Variants in RAD51B observed in about 807,000 individuals in gnomAD.
RAD51B encodes the protein RAD51 paralog B.
RAD51B carries 38 observed loss-of-function variants against 42.2 expected under a neutral mutation model. The observed-to-expected ratio is 0.90, with a 90% confidence interval of 0.70 to 1.18. The LOEUF (loss-of-function observed/expected upper bound fraction) is 1.18, where lower values mean the gene tolerates loss of function less well. RAD51B is among the 50% of genes most tolerant of loss of function. The probability of loss-of-function intolerance (pLI) is 0.00; values close to 1 mark genes in which losing one functional copy is unlikely to be tolerated. For synonymous variants in RAD51B, 154 were observed against 145.2 expected, an observed-to-expected ratio of 1.06 and a Z score of -0.43; for missense variants, 373 against 400.7, an observed-to-expected ratio of 0.93 and a Z score of 0.59.
chr14:68,176,105 A>G (rs1476160827), intron 7 of RAD51B, among the ~76,000 whole-genome samples: 2 of 152,190 alleles, frequency 1.3e-5, no homozygotes, highest in Non-Finnish European at 2.9e-5. Flanking sequence ...TGTGTTCGTT[A>G]GTTGGAGTCT....
chr14:68,037,827 A>T (rs945097193), intron 7 of RAD51B, among the ~76,000 whole-genome samples: 1 of 152,242 alleles, frequency 6.6e-6, no homozygotes, highest in Non-Finnish European at 1.5e-5. Flanking sequence ...GTAGAGATAA[A>T]CAATGTACTT....
intron 10 of RAD51B, among the ~76,000 whole-genome samples, chr14:68,585,632 A>G (rs185613582): frequency 2.0e-4 from 31 of 152,260 alleles, no homozygotes; most frequent in Non-Finnish European, 4.4e-5. Flanking sequence ...TAAATTCCCC[A>G]AGTCAAAATC....
intron 10 of RAD51B, among the ~76,000 whole-genome samples, chr14:68,503,638 G>A (rs879313719): frequency 1.3e-5 from 2 of 152,172 alleles, no homozygotes; most frequent in Non-Finnish European, 2.9e-5. Context: ...CAACCCTCAG[G>A]CAGCCTGGCT....
intron 7 of RAD51B, among the ~76,000 whole-genome samples, chr14:67,910,405 CAAAAAAAAAAAAAA>C (rs576632132): frequency 6.6e-4 from 6 of 9,040 alleles, no homozygotes; most frequent in Admixed American, 2.2e-3. Flanking sequence ...GACTCTGTCT[CAAAAAAAAAAAAAA>C]AAAAAAAAAA....
intron 4 of RAD51B, 55 bp from the exon 5 acceptor site, chr14:67,864,948 T>G: frequency 7.2e-7 from 1 of 1,396,046 alleles, no homozygotes; most frequent in Non-Finnish European, 9.3e-7. Flanking sequence ...GCTTGTGATG[T>G]TTATCTAAAA....
chr14:68,651,508 C>T (rs1595047322), intron 11 of RAD51B, among the ~76,000 whole-genome samples: 2 of 152,278 alleles, frequency 1.3e-5, no homozygotes, highest in African/African-American at 4.8e-5. Context: ...AGCTGGAAAG[C>T]TCCACTATCC....
At chr14:67,875,149 C>T (rs2042685015) in intron 5 of RAD51B, among the ~76,000 whole-genome samples, 1 of 152,064 alleles carries the variant, frequency 6.6e-6, no homozygotes, top group Admixed American at 6.6e-5. Context: ...AGTGGATATT[C>T]CTGAGTTGTA....
intron 7 of RAD51B, among the ~76,000 whole-genome samples, chr14:67,895,034 T>C (rs1595074016): frequency 6.6e-6 from 1 of 152,128 alleles, no homozygotes; most frequent in South Asian, 2.1e-4. Flanking sequence ...TGTGGCCTCC[T>C]AAAGTTCTAG....
intron 7 of RAD51B, among the ~76,000 whole-genome samples, chr14:68,215,175 A>G (rs2079788069): frequency 1.3e-5 from 2 of 152,214 alleles, no homozygotes; most frequent in African/African-American, 4.8e-5. Flanking sequence ...TATTTTACAA[A>G]GTTTCTCAAT....
At chr14:68,166,094 A>G (rs746409288) in intron 7 of RAD51B, among the ~76,000 whole-genome samples, 1 of 152,024 alleles carries the variant, frequency 6.6e-6, no homozygotes, top group Non-Finnish European at 1.5e-5. Context: ...GTGTAAACCA[A>G]AAGTTGAGAT....
rs539035029 is a variant in RAD51B at position 68,610,296 on chromosome 14, C to T, written c.1037-710C>T. ...CCGGATGCCTGAAGGAGCTTCTGCT[C>T]TATTTTTCAGATCCCTCCCACTCCG... On this transcript the variant is annotated intron_variant, in intron 10 of 10. Transcript: ENST00000487861. Among the ~76,000 whole-genome samples the T allele has an allele frequency of 6.3e-4, 96 of 152,320 alleles. 1 individual carries two copies. Among genetic ancestry groups the T allele is most frequent in the Admixed American group, 5.2e-4 (8 of 15,310 alleles).
intron 7 of RAD51B, among the ~76,000 whole-genome samples, chr14:67,980,888 A>G (rs2075079434): frequency 6.6e-6 from 1 of 152,232 alleles, no homozygotes; most frequent in Non-Finnish European, 1.5e-5. Context: ...GATAAGTTGA[A>G]CATCATCAAA....
chr14:68,661,687 T>C (rs1260756436), intron 11 of RAD51B, among the ~76,000 whole-genome samples: 2 of 152,170 alleles, frequency 1.3e-5, no homozygotes, highest in African/African-American at 2.4e-5. Flanking sequence ...TGGCCAGGCA[T>C]TGGAATTCAA....
chr14:68,127,604 AACACACACACACACACACACACACACAC>A (rs1158570155), intron 7 of RAD51B, among the ~76,000 whole-genome samples: 1,472 of 133,634 alleles, frequency 0.011, 27 homozygotes, highest in Admixed American at 0.014. Context: ...TGTACATTGT[AACACACACACACACACACACACACACAC>A]ACACACACAC....
intron 7 of RAD51B, among the ~76,000 whole-genome samples, chr14:67,924,674 T>G (rs1434187924): frequency 2.0e-5 from 3 of 152,166 alleles, no homozygotes; most frequent in Admixed American, 2.0e-4. Context: ...TATCCACCCC[T>G]GTAATTCAGT....
chr14:68,545,255 T>C (rs2158358), intron 10 of RAD51B, among the ~76,000 whole-genome samples: 33,803 of 152,272 alleles, frequency 0.22, 4,476 homozygotes, highest in South Asian at 0.33. Flanking sequence ...GTTGGGCTCT[T>C]TGAGGCTGTT....
chr14:67,914,124 A>G (rs2044076499), intron 7 of RAD51B, among the ~76,000 whole-genome samples: 1 of 152,038 alleles, frequency 6.6e-6, no homozygotes, highest in African/African-American at 2.4e-5. Context: ...CTGGGATATT[A>G]GGTGCATACC....
chr14:67,968,948 TC>T (rs1473782100), intron 7 of RAD51B, among the ~76,000 whole-genome samples: 1 of 152,128 alleles, frequency 6.6e-6, no homozygotes, highest in East Asian at 1.9e-4. Flanking sequence ...GACTTACAGT[TC>T]CACTTGACTG....
chr14:68,659,054 T>G (rs1190311980), intron 11 of RAD51B, among the ~76,000 whole-genome samples: 1 of 152,126 alleles, frequency 6.6e-6, no homozygotes, highest in Non-Finnish European at 1.5e-5. Context: ...GACAAAGGTC[T>G]GCTGCTGGCA....
Sources: allele counts gnomAD v4.1 joint callset (sites outside exome capture counted in the v4.1 genomes callset), GRCh38; gene constraint gnomAD v4.1.1; transcripts MANE v1.5; gene names NCBI Gene and HGNC (gene_info 2026-07-23, HGNC 2026-07-21).